Variants in TRAPPC9 observed in about 807,000 individuals in gnomAD.
TRAPPC9 encodes trafficking protein particle complex subunit 9.
A neutral mutation model predicts 124.0 loss-of-function variants in TRAPPC9; 83 were observed. That is an observed-to-expected ratio of 0.67 (90% CI 0.56 to 0.80). The LOEUF (loss-of-function observed/expected upper bound fraction) is 0.80. Among genes scored for constraint, TRAPPC9 ranks in the 30% least tolerant of loss-of-function variants. The probability of loss-of-function intolerance (pLI) is 0.00; values close to 1 mark genes in which losing one functional copy is unlikely to be tolerated. For missense variants in TRAPPC9, 1,302 were observed against 1,508.3 expected (o/e 0.86, Z 2.27); for synonymous variants, 638 against 617.5 (o/e 1.03, Z -0.49).
At chr8:140,414,149 T>C (rs1007766405) in intron 5 of TRAPPC9, among the ~76,000 whole-genome samples, 43 of 151,920 alleles carry the variant, frequency 2.8e-4, no homozygotes, top group African/African-American at 9.4e-4. Context: ...CAAGAAGAAA[T>C]ATGAAGAAGT....
chr8:140,160,951 C>T (rs4567012), intron 17 of TRAPPC9, among the ~76,000 whole-genome samples: 129,687 of 152,156 alleles, frequency 0.85, 55,414 homozygotes, highest in East Asian at 1. Context: ...CTATGCATCG[C>T]AGAATGTTTC....
chr8:140,086,807 C>T (rs149132896), intron 17 of TRAPPC9, among the ~76,000 whole-genome samples: 4,351 of 152,068 alleles, frequency 0.029, 71 homozygotes, highest in South Asian at 0.04. Context: ...CAGTGGCAGG[C>T]GCCTGTAATC....
At chr8:139,786,935 C>T (rs984708654) in intron 21 of TRAPPC9, among the ~76,000 whole-genome samples, 5 of 152,068 alleles carry the variant, frequency 3.3e-5, no homozygotes, top group East Asian at 1.9e-4. Flanking sequence ...GAGAGATGAA[C>T]GCACTCCGTC....
chr8:139,828,391 C>T (rs958722956), intron 21 of TRAPPC9, among the ~76,000 whole-genome samples: 2 of 152,182 alleles, frequency 1.3e-5, no homozygotes, highest in African/African-American at 4.8e-5. Flanking sequence ...AGGAGCTAAT[C>T]TAGGAAACCA....
At chr8:139,753,785 G>A (rs984893552) in intron 21 of TRAPPC9, among the ~76,000 whole-genome samples, 1 of 152,228 alleles carries the variant, frequency 6.6e-6, no homozygotes, top group Non-Finnish European at 1.5e-5. Context: ...GGGTGACCGC[G>A]AGGATGAAAG....
chr8:140,041,723 G>C (rs1314073909), intron 17 of TRAPPC9, among the ~76,000 whole-genome samples: 2 of 152,252 alleles, frequency 1.3e-5, no homozygotes, highest in Non-Finnish European at 2.9e-5. Context: ...TGTAATCCCA[G>C]CATTTTGGGA....
rs543674296 is a variant in TRAPPC9 at position 140,218,091 on chromosome 8, T to C, written c.2556+3368A>G. Among the ~76,000 whole-genome samples the C allele has an allele frequency of 2.6e-5, 4 of 151,162 alleles. No homozygotes were observed. In the South Asian group the frequency reaches 6.3e-4, roughly 24 times the overall value. On this transcript the variant is annotated intron_variant, in intron 17 of 22. Coordinates refer to ENST00000438773, the MANE Select transcript of TRAPPC9 (RefSeq NM_001160372.4). Reference sequence around the variant, plus strand: ...CAGATAAAAGCGTGCCAATAATCTATACAGAAAATCGCAGCTGGTCTCACA... The same window carrying C: ...CAGATAAAAGCGTGCCAATAATCTACACAGAAAATCGCAGCTGGTCTCACA...
intron 17 of TRAPPC9, among the ~76,000 whole-genome samples, chr8:140,045,631 G>GAAAAAAAAAAAA (rs57243402): frequency 2.4e-4 from 8 of 33,266 alleles, no homozygotes; most frequent in African/African-American, 6.1e-4. Context: ...CATCTCGGCA[G>GAAAAAAAAAAAA]AAAAAAAAAA....
chr8:139,740,581 T>C (rs1818486991), intron 21 of TRAPPC9, among the ~76,000 whole-genome samples: 1 of 152,176 alleles, frequency 6.6e-6, no homozygotes, highest in Non-Finnish European at 1.5e-5. Flanking sequence ...AGAAGCACAC[T>C]GAGGTGTAGA....
chr8:140,335,096 A>C (rs2066999599), intron 9 of TRAPPC9, among the ~76,000 whole-genome samples: 1 of 152,156 alleles, frequency 6.6e-6, no homozygotes, highest in African/African-American at 2.4e-5. Context: ...GTTTGAATCA[A>C]ATCGTGAATG....
At chr8:140,194,952 C>T (rs889767024) in intron 17 of TRAPPC9, among the ~76,000 whole-genome samples, 2 of 152,024 alleles carry the variant, frequency 1.3e-5, no homozygotes, top group African/African-American at 4.8e-5. Context: ...ATTCAACGAT[C>T]CACTGTACAG....
chr8:140,127,845 T>C (rs1354528915), intron 17 of TRAPPC9, among the ~76,000 whole-genome samples: 1 of 152,246 alleles, frequency 6.6e-6, no homozygotes, highest in Non-Finnish European at 1.5e-5. Flanking sequence ...TACCAGCTTC[T>C]TTCTTGCCAA....
chr8:140,240,837 GC>G (rs1007841692), intron 16 of TRAPPC9, among the ~76,000 whole-genome samples: 1 of 152,184 alleles, frequency 6.6e-6, no homozygotes, highest in African/African-American at 2.4e-5. Flanking sequence ...ACTGCACCCA[GC>G]CCCACTCACC....
At chr8:140,042,847 C>T (rs531612175) in intron 17 of TRAPPC9, among the ~76,000 whole-genome samples, 29 of 152,310 alleles carry the variant, frequency 1.9e-4, no homozygotes, top group African/African-American at 6.5e-4. Flanking sequence ...TCCTTATTTA[C>T]ACAGAAAACA....
intron 17 of TRAPPC9, among the ~76,000 whole-genome samples, chr8:140,082,756 G>A (rs1381208601): frequency 6.6e-6 from 1 of 152,056 alleles, no homozygotes; most frequent in African/African-American, 2.4e-5. Context: ...ACATCAAAAT[G>A]GTCTGATTTA....
At chr8:139,872,752 A>C (rs1284047879) in intron 21 of TRAPPC9, among the ~76,000 whole-genome samples, 1 of 84 alleles carries the variant, frequency 0.012, no homozygotes, top group African/African-American at 0.042. Context: ...GGGTGGATGG[A>C]TGGATGGGTG....
At chr8:140,229,251 CTTTTTTTTTTTTT>C (rs528175891) in intron 16 of TRAPPC9, among the ~76,000 whole-genome samples, 10 of 99,820 alleles carry the variant, frequency 1.0e-4, no homozygotes, top group South Asian at 3.2e-4. Context: ...TTTTCTTTTT[CTTTTTTTTTTTTT>C]TTTTTTTTTT....
rs1325937583 is a variant in TRAPPC9 at position 139,747,497 on chromosome 8, A to AG, written c.3056-15296dup. ...GGGTCAGAGCAGGTGGGAGGTGTGC[A>AG]GGATCAGAGAAGATGCAGGGGGTAC... On this transcript the variant is annotated intron_variant, in intron 21 of 22. Coordinates refer to ENST00000438773, the MANE Select transcript of TRAPPC9 (RefSeq NM_001160372.4). Among the ~76,000 whole-genome samples, 103 of 98,606 alleles carry AG rather than the reference A, an allele frequency of 1.0e-3. 1 individual carries two copies. Among genetic ancestry groups the AG allele is most frequent in the Middle Eastern group, 0.014 (2 of 144 alleles). 64.7% of individuals were successfully genotyped at this position (98,606 alleles called of 152,430 possible).
At chr8:140,122,173 C>T (rs2061001871) in intron 17 of TRAPPC9, among the ~76,000 whole-genome samples, 1 of 152,042 alleles carries the variant, frequency 6.6e-6, no homozygotes, top group Middle Eastern at 3.2e-3. Flanking sequence ...ATTCTTCAGC[C>T]AACAGCCAGC....
Sources: gnomAD v4.1 joint callset for allele counts (sites outside exome capture counted in the v4.1 genomes callset) on GRCh38, gnomAD v4.1.1 for gene constraint, MANE v1.5 for transcripts, NCBI Gene and HGNC (gene_info 2026-07-23, HGNC 2026-07-21) for gene names.